Variants in PCDHGA3 observed in about 807,000 individuals in gnomAD.
PCDHGA3 encodes the protein protocadherin gamma-A3.
In PCDHGA3, 40 loss-of-function variants were observed where a neutral mutation model predicts 58.5. The ratio of observed to expected loss-of-function variants is 0.68; its 90% CI spans 0.53 to 0.89. The LOEUF is 0.89. Ranked by LOEUF, PCDHGA3 falls within the 40% of genes least tolerant of loss-of-function variation. The pLI, the probability that PCDHGA3 is intolerant of heterozygous loss-of-function variation, is 0.00. For missense variants in PCDHGA3, 1,223 were observed against 1,195.9 expected, an observed-to-expected ratio of 1.02 and a Z score of -0.33; for synonymous variants, 530 against 525.7, an observed-to-expected ratio of 1.01 and a Z score of -0.11.
chr5:141,414,334 A>G, intron 1 of PCDHGA3: 6 of 1,613,782 alleles, frequency 3.7e-6, no homozygotes, highest in Non-Finnish European at 5.1e-6. Flanking sequence ...TGGACAGGTA[A>G]CCTGTTCCAT....
At chr5:141,384,447 G>T in intron 1 of PCDHGA3, 1 of 1,614,008 alleles carries the variant, frequency 6.2e-7, no homozygotes, top group African/African-American at 1.3e-5. Flanking sequence ...TCCTGTACGC[G>T]CTGCAATCCT....
intron 3 of PCDHGA3, among the ~76,000 whole-genome samples, chr5:141,510,092 T>C (rs973542449): frequency 6.6e-6 from 1 of 152,138 alleles, no homozygotes; most frequent in South Asian, 2.1e-4. Flanking sequence ...TGGCACACAG[T>C]AGGTGCTCAA....
intron 1 of PCDHGA3, chr5:141,371,830 C>A: frequency 6.2e-7 from 1 of 1,613,814 alleles, no homozygotes. Flanking sequence ...GCCTCGGATC[C>A]CGACTTGGGA....
intron 1 of PCDHGA3, among the ~76,000 whole-genome samples, chr5:141,436,243 TA>T (rs1428637183): frequency 6.6e-6 from 1 of 152,154 alleles, no homozygotes; most frequent in Non-Finnish European, 1.5e-5. Context: ...TAACATGGTC[TA>T]ATTATTCTGA....
intron 1 of PCDHGA3, chr5:141,357,302 C>G: frequency 3.7e-6 from 6 of 1,614,086 alleles, no homozygotes; most frequent in Non-Finnish European, 5.1e-6. Context: ...GCCGCTGTCT[C>G]CTGCGTCTTC....
In PCDHGA3 at chr5:141,489,087, T is replaced by A. The variant is rs2099682381; in HGVS notation, c.2425-5720T>A. ...CCCCCTGCCCACCCCCGCCACTCGG[T>A]GACTAAGAACTGCTGCAAGCAGGCA... is the stretch of plus-strand genomic sequence containing the variant. On this transcript the variant is annotated intron_variant, in intron 1 of 3. Coordinates refer to ENST00000253812, the MANE Select transcript of PCDHGA3 (RefSeq NM_018916.4). This position sits in a 1 kb window ranked among gnomAD's most constrained non-coding sequence, Gnocchi z 4.5. The A allele has an allele frequency of 4.6e-6, 1 of 216,106 alleles. No individual in the cohort carries two copies. Among genetic ancestry groups the A allele is most frequent in the Non-Finnish European group, 8.4e-6 (1 of 118,734 alleles). 13.4% of individuals were successfully genotyped at this position (216,106 alleles called of 1,614,324 possible). A position where few individuals can be genotyped will look rare whatever the true frequency, so the allele number is the denominator to read the frequency against.
chr5:141,450,675 CG>C (rs2098689980), intron 1 of PCDHGA3, among the ~76,000 whole-genome samples: 1 of 151,614 alleles, frequency 6.6e-6, no homozygotes, highest in Non-Finnish European at 1.5e-5. Flanking sequence ...TTAGTAGAAA[CG>C]GGGTTTTGCC....
Position 141,360,020 on chromosome 5 carries a change from G to T in PCDHGA3, c.2424+13563G>T. The T allele has an allele frequency of 4.6e-6, 6 of 1,294,416 alleles. No individual in the cohort carries two copies. The South Asian group carries it at 9.7e-5, about 21-fold the overall frequency. 80.2% of individuals were successfully genotyped at this position (1,294,416 alleles called of 1,614,324 possible). On this transcript the variant is annotated intron_variant, in intron 1 of 3. Transcript: ENST00000253812. ...TGCACAAACCAACCACACAGAGAAGGCCAGTATAGATTCGGAAACAGAAAA... is the reference window on the plus strand; with the variant it reads ...TGCACAAACCAACCACACAGAGAAGTCCAGTATAGATTCGGAAACAGAAAA...
chr5:141,426,173 G>A (rs2096919271), intron 1 of PCDHGA3: 1 of 155,348 alleles, frequency 6.4e-6, no homozygotes, highest in African/African-American at 2.4e-5. Flanking sequence ...TACGGATTGG[G>A]GTGCCCTCAA....
intron 1 of PCDHGA3, chr5:141,384,838 C>G: frequency 6.2e-7 from 1 of 1,613,540 alleles, no homozygotes; most frequent in Non-Finnish European, 8.5e-7. Flanking sequence ...GGTGGCCGTC[C>G]AGGACCACGG....
chr5:141,442,119 C>T (rs563017984), intron 1 of PCDHGA3: 1 of 166,262 alleles, frequency 6.0e-6, no homozygotes, highest in African/African-American at 2.4e-5. Context: ...CCCCTCGTCG[C>T]CGACAGCCTG....
chr5:141,425,844 G>C (rs985746948), intron 1 of PCDHGA3, among the ~76,000 whole-genome samples: 1 of 152,104 alleles, frequency 6.6e-6, no homozygotes, highest in Admixed American at 6.6e-5. Flanking sequence ...CTCTTTGCTG[G>C]GTTAATGACT....
chr5:141,467,602 A>G (rs981250164), intron 1 of PCDHGA3, among the ~76,000 whole-genome samples: 3 of 152,216 alleles, frequency 2.0e-5, no homozygotes, highest in Non-Finnish European at 4.4e-5. Flanking sequence ...TAAGCACTTC[A>G]TCTTTGTCCC....
rs1307942270 is a variant in PCDHGA3 at position 141,388,326 on chromosome 5, C to A, written c.2424+41869C>A. ...GCTGCAAATAAGTGAGTCTGCACAG[C>A]CTGGCACACGATTTATATTAGGATC... On this transcript the variant is annotated intron_variant, in intron 1 of 3. Transcript: ENST00000253812. 3.7e-6 allele frequency: 6 copies of A among 1,613,760 alleles called. No homozygotes were observed. The highest frequency in any genetic ancestry group is 5.1e-6 in the Non-Finnish European group (6 of 1,179,866).
At chr5:141,509,163 C>T (rs561329093) in intron 3 of PCDHGA3, among the ~76,000 whole-genome samples, 1 of 152,204 alleles carries the variant, frequency 6.6e-6, no homozygotes, top group East Asian at 1.9e-4. Context: ...CTCCCGTGTG[C>T]CCTCCTCCTC....
intron 1 of PCDHGA3, chr5:141,355,193 G>A: frequency 6.3e-7 from 1 of 1,594,436 alleles, no homozygotes; most frequent in Non-Finnish European, 8.6e-7. Flanking sequence ...CTCCGCGGCG[G>A]GGTTGTAATG....
intron 1 of PCDHGA3, among the ~76,000 whole-genome samples, chr5:141,387,508 G>T (rs537615944): frequency 6.7e-4 from 102 of 152,312 alleles, no homozygotes; most frequent in African/African-American, 2.3e-3. Context: ...ATTTTTAGAC[G>T]TCATTAAATA....
intron 2 of PCDHGA3, among the ~76,000 whole-genome samples, chr5:141,495,279 G>C (rs72790069): frequency 0.027 from 4,092 of 152,256 alleles, 88 homozygotes; most frequent in Middle Eastern, 0.048. Flanking sequence ...CGGAGGAGGC[G>C]GTCCGCACTC....
chr5:141,387,779 G>T, intron 1 of PCDHGA3: 1 of 1,458,032 alleles, frequency 6.9e-7, no homozygotes, highest in Admixed American at 2.6e-5. Flanking sequence ...TTCTTGAACT[G>T]GAACTGCAAC....
Sources: gnomAD v4.1 joint callset for allele counts (sites outside exome capture counted in the v4.1 genomes callset) on GRCh38, gnomAD v4.1.1 for gene constraint, Gnocchi (gnomAD v3.1) non-coding constraint, MANE v1.5 for transcripts, NCBI Gene and HGNC (gene_info 2026-07-23, HGNC 2026-07-21) for gene names.